PDE8A: variants seen among roughly 807,000 people sequenced by gnomAD.
The protein encoded by PDE8A is phosphodiesterase 8A, also known as high affinity cAMP-specific and IBMX-insensitive 3',5'-cyclic phosphodiesterase 8A.
A neutral mutation model predicts 105.0 loss-of-function variants in PDE8A; 59 were observed. The observed-to-expected ratio is 0.56, with a 90% CI of 0.46 to 0.70. The LOEUF is 0.70. Ranked by LOEUF, PDE8A falls within the 30% of genes least tolerant of loss-of-function variation. The pLI is 0.00. For missense variants in PDE8A, 1,014 were observed against 1,045.9 expected (o/e 0.97, Z 0.42); for synonymous variants, 355 against 371.9 (o/e 0.95, Z 0.52).
At chr15:85,039,694 A>G (rs777961958) in intron 1 of PDE8A, among the ~76,000 whole-genome samples, 1 of 152,240 alleles carries the variant, frequency 6.6e-6, no homozygotes, top group Non-Finnish European at 1.5e-5. Flanking sequence ...AACAGCCAAG[A>G]TGTAGAAACA....
chr15:85,046,710 A>T (rs763863635), intron 1 of PDE8A, among the ~76,000 whole-genome samples: 5 of 152,222 alleles, frequency 3.3e-5, no homozygotes, highest in Non-Finnish European at 7.3e-5. Flanking sequence ...CAGGCAAGGG[A>T]TAGGGAGGGT....
chr15:85,128,432 G>C (rs2082287955), intron 20 of PDE8A, among the ~76,000 whole-genome samples: 1 of 152,158 alleles, frequency 6.6e-6, no homozygotes, highest in African/African-American at 2.4e-5. Context: ...CAGAGGTTGA[G>C]GCTGCAGTGA....
chr15:85,118,588 A>C (rs572769906), intron 17 of PDE8A, among the ~76,000 whole-genome samples: 1 of 152,312 alleles, frequency 6.6e-6, no homozygotes, highest in African/African-American at 2.4e-5. Context: ...CACCTCCCTC[A>C]GGATTTAAAC....
chr15:85,005,074 A>C (rs1446141831), intron 1 of PDE8A, among the ~76,000 whole-genome samples: 1 of 151,948 alleles, frequency 6.6e-6, no homozygotes, highest in Admixed American at 6.6e-5. Context: ...TACACATTGC[A>C]GTATGCATTT....
At chr15:85,136,323 T>A (rs1306074473) in intron 20 of PDE8A, among the ~76,000 whole-genome samples, 1 of 152,198 alleles carries the variant, frequency 6.6e-6, no homozygotes, top group African/African-American at 2.4e-5. Context: ...AGTTGGGGTG[T>A]CCTCAGACCC....
intron 5 of PDE8A, among the ~76,000 whole-genome samples, chr15:85,082,318 G>A (rs2081480145): frequency 6.6e-6 from 1 of 152,010 alleles, no homozygotes; most frequent in African/African-American, 2.4e-5. Context: ...CTTCCCCTGT[G>A]GGGGTGACAG....
chr15:85,086,350 C>T (rs2081552149), intron 6 of PDE8A, among the ~76,000 whole-genome samples: 1 of 152,116 alleles, frequency 6.6e-6, no homozygotes, highest in Admixed American at 6.6e-5. Context: ...TTAAGCTTAT[C>T]TACAGTTAAA....
At chr15:85,090,695 C>A in intron 7 of PDE8A, 1 of 415,642 alleles carries the variant, frequency 2.4e-6, no homozygotes, top group Non-Finnish European at 4.9e-6. Flanking sequence ...ATCATCCCCC[C>A]ACCCCCACCC....
At chr15:85,069,908 AAG>A (rs1257801010) in intron 3 of PDE8A, among the ~76,000 whole-genome samples, 2 of 152,190 alleles carry the variant, frequency 1.3e-5, no homozygotes, top group Non-Finnish European at 2.9e-5. Flanking sequence ...TTCTAGAGGC[AAG>A]AGCAGACCCT....
Position 85,091,033 on chromosome 15 carries a change from T to C in PDE8A, c.715-11T>C. On this transcript the variant is annotated splice_polypyrimidine_tract_variant and intron_variant, in intron 7 of 21. Coordinates refer to ENST00000394553, the MANE Select transcript of PDE8A (RefSeq NM_002605.3). Reference sequence around the variant, plus strand: ...AATTCACTTTATGTTTTTTCTTTTGTCTCCCTTCAGTATGCAAATCCTGCA... The same window carrying C: ...AATTCACTTTATGTTTTTTCTTTTGCCTCCCTTCAGTATGCAAATCCTGCA... 1 of 1,593,502 alleles carries C rather than the reference T, an allele frequency of 6.3e-7. No homozygotes were observed. The highest frequency in any genetic ancestry group is 1.1e-5 in the South Asian group (1 of 88,874).
At chr15:84,991,840 T>C (rs8028550) in intron 1 of PDE8A, among the ~76,000 whole-genome samples, 86,047 of 152,070 alleles carry the variant, frequency 0.57, 24,406 homozygotes, top group South Asian at 0.61. Context: ...CTGTAAGTTA[T>C]GATTCTTTTT....
intron 20 of PDE8A, among the ~76,000 whole-genome samples, 165 bp downstream of exon 20, chr15:85,126,539 G>A (rs528603897): frequency 6.6e-6 from 1 of 150,794 alleles, no homozygotes; most frequent in African/African-American, 2.4e-5. Flanking sequence ...TTTTTCTTAA[G>A]AATATTTTAT....
intron 1 of PDE8A, among the ~76,000 whole-genome samples, chr15:84,986,911 A>G (rs1003634215): frequency 7.9e-5 from 12 of 152,170 alleles, no homozygotes; most frequent in Admixed American, 2.6e-4. Context: ...TACTGTGCCC[A>G]ACTGATTACT....
At chr15:85,064,838 T>C (rs1236921293) in intron 2 of PDE8A, among the ~76,000 whole-genome samples, 1 of 151,248 alleles carries the variant, frequency 6.6e-6, no homozygotes, top group Admixed American at 6.6e-5. Context: ...GACATGGGGG[T>C]GTGTGTGCCT....
chr15:85,126,889 C>A (rs1004023516), intron 20 of PDE8A, among the ~76,000 whole-genome samples: 3 of 152,182 alleles, frequency 2.0e-5, no homozygotes, highest in African/African-American at 7.2e-5. Flanking sequence ...AACAGTGATT[C>A]TCATGTCCTC....
intron 21 of PDE8A, 70 bp downstream of exon 21, chr15:85,136,733 T>C (rs1301133560): frequency 7.0e-7 from 1 of 1,426,742 alleles, no homozygotes; most frequent in Non-Finnish European, 9.6e-7. Flanking sequence ...AAGAGCAGAG[T>C]GCATTTGACT....
chr15:85,085,675 CAAA>C (rs34469124), intron 6 of PDE8A, among the ~76,000 whole-genome samples: 1 of 115,370 alleles, frequency 8.7e-6, no homozygotes. Flanking sequence ...GACTCTGTCT[CAAA>C]AAAAAAAAAA....
chr15:85,016,948 C>A (rs1330658177), intron 1 of PDE8A, among the ~76,000 whole-genome samples: 1 of 150,398 alleles, frequency 6.6e-6, no homozygotes, highest in Non-Finnish European at 1.5e-5. Flanking sequence ...AACTGAATTT[C>A]CCTTTTTTTT....
intron 1 of PDE8A, among the ~76,000 whole-genome samples, chr15:85,000,110 G>C (rs1279549945): frequency 6.6e-6 from 1 of 152,158 alleles, no homozygotes; most frequent in African/African-American, 2.4e-5. Context: ...TGAATAACTT[G>C]TCTGTGAGCC....
Sources: allele counts gnomAD v4.1 joint callset (sites outside exome capture counted in the v4.1 genomes callset), GRCh38; gene constraint gnomAD v4.1.1; transcripts MANE v1.5; gene names NCBI Gene and HGNC (gene_info 2026-07-23, HGNC 2026-07-21).